CACNA2D1: variants seen among roughly 807,000 people sequenced by gnomAD.
The protein encoded by CACNA2D1 is voltage-dependent calcium channel subunit alpha-2/delta-1.
In CACNA2D1, 53 loss-of-function variants were observed where a neutral mutation model predicts 171.5. That is an observed-to-expected ratio of 0.31 (90% CI 0.25 to 0.39). The LOEUF (loss-of-function observed/expected upper bound fraction) is 0.39, where lower values mean the gene tolerates loss of function less well. Among genes scored for constraint, CACNA2D1 ranks in the 10% least tolerant of loss-of-function variants. The pLI, the probability that CACNA2D1 is intolerant of heterozygous loss-of-function variation, is 1.00. For synonymous variants in CACNA2D1, 442 were observed against 443.1 expected (o/e 1.00, Z 0.03); for missense variants, 903 against 1,299.8 (o/e 0.69, Z 4.69).
chr7:82,298,114 G>C (rs1258814030), intron 3 of CACNA2D1, among the ~76,000 whole-genome samples: 1 of 151,824 alleles, frequency 6.6e-6, no homozygotes, highest in Non-Finnish European at 1.5e-5. Context: ...ACACCGACTG[G>C]TAATTATTGA....
chr7:82,227,079 G>A (rs1270731227), intron 3 of CACNA2D1, among the ~76,000 whole-genome samples: 1 of 152,080 alleles, frequency 6.6e-6, no homozygotes, highest in African/African-American at 2.4e-5. Context: ...ACAACTGAAA[G>A]GTGTTATTAT....
Position 82,058,915 on chromosome 7 carries a change from G to A in CACNA2D1, c.879+1513C>T, listed in dbSNP as rs138847636. Among the ~76,000 whole-genome samples, 77 of 152,194 alleles carry A rather than the reference G, an allele frequency of 5.1e-4. 1 individual carries two copies. The highest frequency in any genetic ancestry group is 2.5e-3 in the South Asian group (12 of 4,828). ...CCAGGAACCTTGCCTTATAGGTATC[G>A]TGTTTTCCTATACCTACTCTTAGGC... On this transcript the variant is annotated intron_variant, in intron 10 of 38. Coordinates refer to ENST00000356860, the MANE Select transcript of CACNA2D1 (RefSeq NM_000722.4).
chr7:82,017,293 C>A (rs1389113696), intron 12 of CACNA2D1, among the ~76,000 whole-genome samples: 1 of 151,940 alleles, frequency 6.6e-6, no homozygotes, highest in Non-Finnish European at 1.5e-5. Context: ...AGTAAAAAAT[C>A]AATATAAAAA....
chr7:82,321,439 C>A (rs184861229), intron 3 of CACNA2D1, among the ~76,000 whole-genome samples: 43 of 151,834 alleles, frequency 2.8e-4, no homozygotes, highest in Non-Finnish European at 5.9e-4. Flanking sequence ...GAGTCTTACC[C>A]CCTCCTCAAA....
At chr7:82,145,298 T>C (rs1792863580) in intron 4 of CACNA2D1, among the ~76,000 whole-genome samples, 1 of 144,868 alleles carries the variant, frequency 6.9e-6, no homozygotes, top group African/African-American at 2.5e-5. Context: ...TAAAAATATA[T>C]AAATTATGTA....
At chr7:82,117,751 A>G (rs1789247686) in intron 5 of CACNA2D1, among the ~76,000 whole-genome samples, 1 of 152,212 alleles carries the variant, frequency 6.6e-6, no homozygotes, top group Admixed American at 6.5e-5. Flanking sequence ...ACCACACTCT[A>G]GCCTGGGCAA....
At chr7:82,120,585 G>A (rs1271931465) in intron 5 of CACNA2D1, among the ~76,000 whole-genome samples, 1 of 146,142 alleles carries the variant, frequency 6.8e-6, no homozygotes, top group Non-Finnish European at 1.5e-5. Flanking sequence ...GGATTAAAAA[G>A]TAAAGTTTAG....
intron 3 of CACNA2D1, among the ~76,000 whole-genome samples, chr7:82,202,192 T>C (rs775158534): frequency 6.6e-6 from 1 of 152,220 alleles, no homozygotes; most frequent in Non-Finnish European, 1.5e-5. Flanking sequence ...CTGCTGACGC[T>C]GTACATACGG....
chr7:82,209,872 G>A (rs1440928717), intron 3 of CACNA2D1, among the ~76,000 whole-genome samples: 1 of 152,028 alleles, frequency 6.6e-6, no homozygotes, highest in African/African-American at 2.4e-5. Context: ...GGTACTTTCA[G>A]ACCCACATTT....
chr7:82,048,311 G>A (rs1804788263), intron 10 of CACNA2D1, among the ~76,000 whole-genome samples: 1 of 152,042 alleles, frequency 6.6e-6, no homozygotes, highest in South Asian at 2.1e-4. Context: ...CATAGCAGGA[G>A]AGATTTCATA....
intron 1 of CACNA2D1, among the ~76,000 whole-genome samples, chr7:82,378,929 G>A (rs1823335520): frequency 7.0e-6 from 1 of 143,746 alleles, no homozygotes; most frequent in Admixed American, 7.5e-5. Flanking sequence ...ATGTGTGCAG[G>A]GGTTGACTCG....
chr7:82,084,960 T>C, intron 6 of CACNA2D1, 60 bp from the exon 7 acceptor site: 1 of 1,253,940 alleles, frequency 8.0e-7, no homozygotes, highest in Admixed American at 1.7e-5. Flanking sequence ...ACTGAATGTC[T>C]TCATTTATTT....
intron 11 of CACNA2D1, among the ~76,000 whole-genome samples, chr7:82,037,755 A>C (rs543738403): frequency 2.0e-5 from 3 of 152,348 alleles, no homozygotes; most frequent in African/African-American, 7.2e-5. Flanking sequence ...GTGGTGATTG[A>C]GATAAGAAAA....
At chr7:82,145,712 TTA>T (rs532041840) in intron 4 of CACNA2D1, among the ~76,000 whole-genome samples, 43 of 148,674 alleles carry the variant, frequency 2.9e-4, no homozygotes, top group African/African-American at 9.0e-4. Flanking sequence ...ATACACAATT[TTA>T]TATATATATA....
intron 20 of CACNA2D1, among the ~76,000 whole-genome samples, chr7:81,991,641 A>T (rs940249147): frequency 2.6e-5 from 4 of 152,174 alleles, no homozygotes; most frequent in African/African-American, 7.2e-5. Flanking sequence ...ATTTATGATT[A>T]GCATATGACT....
chr7:82,279,396 G>A (rs1038583214), intron 3 of CACNA2D1, among the ~76,000 whole-genome samples: 3 of 152,008 alleles, frequency 2.0e-5, no homozygotes, highest in African/African-American at 7.2e-5. Flanking sequence ...CAAATTTTAG[G>A]GAAAGACACA....
chr7:82,204,055 C>A (rs568361732), intron 3 of CACNA2D1, among the ~76,000 whole-genome samples: 1 of 152,294 alleles, frequency 6.6e-6, no homozygotes, highest in African/African-American at 2.4e-5. Flanking sequence ...AGACCTCAAG[C>A]CTTCACCGTT....
intron 3 of CACNA2D1, among the ~76,000 whole-genome samples, chr7:82,177,068 AT>A (rs1181991934): frequency 0.047 from 2,583 of 55,126 alleles, 31 homozygotes; most frequent in African/African-American, 0.11. Flanking sequence ...ACAGGTCTCT[AT>A]TTTTTTTTTT....
chr7:82,301,364 A>G (rs573871149), intron 3 of CACNA2D1, among the ~76,000 whole-genome samples: 2 of 152,244 alleles, frequency 1.3e-5, no homozygotes, highest in South Asian at 4.1e-4. Flanking sequence ...ACCTCAGGTG[A>G]TCCGCCTGCC....
Sources: allele counts gnomAD v4.1 joint callset (sites outside exome capture counted in the v4.1 genomes callset), GRCh38; gene constraint gnomAD v4.1.1; transcripts MANE v1.5; gene names NCBI Gene and HGNC (gene_info 2026-07-23, HGNC 2026-07-21).